CDH1: variants seen among roughly 807,000 people sequenced by gnomAD.
CDH1 encodes cadherin 1.
A neutral mutation model predicts 84.5 loss-of-function variants in CDH1; 35 were observed. That is an observed-to-expected ratio of 0.41 (90% CI 0.32 to 0.55). The LOEUF (loss-of-function observed/expected upper bound fraction) is 0.55, where lower values mean the gene tolerates loss of function less well. Ranked by LOEUF, CDH1 falls within the 20% of genes least tolerant of loss-of-function variation. The pLI, the probability that CDH1 is intolerant of heterozygous loss-of-function variation, is 0.19. For missense variants in CDH1, 994 were observed against 1,126.6 expected (o/e 0.88, Z 1.68); for synonymous variants, 417 against 439.0 (o/e 0.95, Z 0.63).
intron 2 of CDH1, among the ~76,000 whole-genome samples, chr16:68,764,035 C>A (rs541823987): frequency 6.6e-6 from 1 of 152,268 alleles, no homozygotes; most frequent in Admixed American, 6.5e-5. Context: ...GGGGCTTTCC[C>A]TCCCAGAGGT....
chr16:68,765,612 T>C (rs926819761), intron 2 of CDH1: 2 of 152,098 alleles, frequency 1.3e-5, no homozygotes, highest in African/African-American at 4.8e-5. Context: ...ATCCCAAAAT[T>C]GTAGGGGCAA....
chr16:68,788,118 C>T (rs868002445), intron 2 of CDH1, among the ~76,000 whole-genome samples: 3 of 152,126 alleles, frequency 2.0e-5, no homozygotes, highest in South Asian at 2.1e-4. Context: ...TGAGCCACCG[C>T]ACCCAGCCTA....
chr16:68,740,637 G>A (rs1962540233), intron 2 of CDH1, among the ~76,000 whole-genome samples: 1 of 152,068 alleles, frequency 6.6e-6, no homozygotes, highest in Non-Finnish European at 1.5e-5. Flanking sequence ...CACCAAGGGT[G>A]GGTTGGTCTG....
rs1245027389 is a variant in CDH1 at position 68,815,474 on chromosome 16, T to C, written c.1321-41T>C. 3.7e-6 allele frequency: 6 copies of C among 1,613,060 alleles called. No individual in the cohort carries two copies. The highest frequency in any genetic ancestry group is 1.7e-5 in the Admixed American group (1 of 59,984). ...TAATTTTATTTTTACTAACACAAAA[T>C]GTTTCGTTTTGTTTTTAACTTCATT... On this transcript the variant is annotated intron_variant, in intron 9 of 15. Transcript: ENST00000261769.
intron 3 of CDH1, among the ~76,000 whole-genome samples, chr16:68,806,647 GAATTATATGA>G (rs1960669383): frequency 1.3e-5 from 2 of 152,136 alleles, no homozygotes; most frequent in African/African-American, 4.8e-5. Flanking sequence ...ATCCTTCCAA[GAATTATATGA>G]GATAGGTTCT....
chr16:68,816,901 T>C (rs1443216409), intron 10 of CDH1, among the ~76,000 whole-genome samples: 1 of 152,142 alleles, frequency 6.6e-6, no homozygotes, highest in Admixed American at 6.6e-5. Flanking sequence ...AAGACAATAA[T>C]GTAGGATTAG....
intron 2 of CDH1, among the ~76,000 whole-genome samples, chr16:68,761,438 C>T (rs1413322441): frequency 1.3e-5 from 2 of 152,206 alleles, no homozygotes; most frequent in African/African-American, 2.4e-5. Flanking sequence ...ATCCTCCATT[C>T]GTTTGTTCAG....
chr16:68,760,266 A>ATTTT (rs11396600), intron 2 of CDH1, among the ~76,000 whole-genome samples: 20 of 97,956 alleles, frequency 2.0e-4, no homozygotes, highest in East Asian at 6.1e-4. Flanking sequence ...CGCCCAGCTA[A>ATTTT]TTTTTTTTTT....
At chr16:68,752,034 C>T (rs1962896748) in intron 2 of CDH1, among the ~76,000 whole-genome samples, 2 of 151,310 alleles carry the variant, frequency 1.3e-5, no homozygotes, top group South Asian at 4.2e-4. Context: ...TCACTGCAAC[C>T]TCCGCCTCCC....
intron 2 of CDH1, among the ~76,000 whole-genome samples, chr16:68,751,995 A>C (rs1962894711): frequency 6.9e-6 from 1 of 145,020 alleles, no homozygotes; most frequent in Admixed American, 7.1e-5. Context: ...TCTGTCACCC[A>C]GGCTGGAGTG....
chr16:68,795,680 G>C (rs548340759), intron 2 of CDH1, among the ~76,000 whole-genome samples: 1 of 151,864 alleles, frequency 6.6e-6, no homozygotes, highest in South Asian at 2.1e-4. Context: ...ATTTTCAGTA[G>C]AGACGGGGTT....
chr16:68,828,709 A>C (rs1961397523), intron 14 of CDH1, among the ~76,000 whole-genome samples: 1 of 152,200 alleles, frequency 6.6e-6, no homozygotes, highest in Non-Finnish European at 1.5e-5. Flanking sequence ...GTTTTTAGCT[A>C]GACCAAACTC....
In CDH1 at chr16:68,834,223, G is replaced by A. The variant is rs1428612145; in HGVS notation, c.*724G>A. 9.9e-6 allele frequency: 5 copies of A among 503,332 alleles called. No individual in the cohort carries two copies. The highest frequency in any genetic ancestry group is 9.1e-5 in the Admixed American group (4 of 43,792). 31.2% of individuals were successfully genotyped at this position (503,332 alleles called of 1,614,324 possible). On this transcript the variant is annotated 3_prime_UTR_variant, in exon 16 of 16. Coordinates refer to ENST00000261769, the MANE Select transcript of CDH1 (RefSeq NM_004360.5). Reference sequence around the variant, plus strand: ...CCCATCTTGGCCTCCCAGAGTATTGGGATTACAGACATGAGCCACTGCACC... The same window carrying A: ...CCCATCTTGGCCTCCCAGAGTATTGAGATTACAGACATGAGCCACTGCACC...
Position 68,737,365 on chromosome 16 carries a change from C to G in CDH1, c.-51C>G, listed in dbSNP as rs1303301430. On this transcript the variant is annotated 5_prime_UTR_variant, in exon 1 of 16. Coordinates refer to ENST00000261769, the MANE Select transcript of CDH1 (RefSeq NM_004360.5). ...AGACTCCAGCCCGCTCCAGCCCGGC[C>G]CGACCCGACCGCACCCGGCGCCTGC... The G allele has an allele frequency of 6.0e-6, 9 of 1,497,466 alleles. No homozygotes were observed. Among genetic ancestry groups the G allele is most frequent in the Non-Finnish European group, 8.1e-6 (9 of 1,117,786 alleles). The allele number at this position is 1,497,466 out of a possible 1,614,324, so 92.8% of individuals were successfully genotyped here.
At chr16:68,824,071 C>T (rs991526441) in intron 13 of CDH1, among the ~76,000 whole-genome samples, 2 of 144,342 alleles carry the variant, frequency 1.4e-5, no homozygotes, top group African/African-American at 5.3e-5. Flanking sequence ...GATCTCAGCT[C>T]ACTGCACCCT....
intron 2 of CDH1, among the ~76,000 whole-genome samples, chr16:68,756,849 A>G (rs532228226): frequency 1.5e-4 from 23 of 152,126 alleles, no homozygotes; most frequent in Non-Finnish European, 2.5e-4. Context: ...ACATACAAAA[A>G]CAATTACCCA....
In CDH1 at chr16:68,765,773, A is replaced by T. The variant is rs576021919; in HGVS notation, c.163+27362A>T. Among the ~76,000 whole-genome samples, 127 of 151,174 alleles carry T rather than the reference A, an allele frequency of 8.4e-4. 1 individual carries two copies. The highest frequency in any genetic ancestry group is 3.0e-3 in the African/African-American group (124 of 41,152). On this transcript the variant is annotated intron_variant, in intron 2 of 15. Transcript: ENST00000261769. ...TTTTTAAAAGATTTGTTTTCCTCTC[A>T]TGGGAAATTTCCCTGTCACAGTTGG...
rs13339481 is a variant in CDH1, at chr16:68,835,334, T to C, written c.*1835T>C. ...AAAAATCAACCCTGCAATCACTTTTTGGAATTGTCTTGATTTTTCGGCAGT... is the reference window on the plus strand; with the variant it reads ...AAAAATCAACCCTGCAATCACTTTTCGGAATTGTCTTGATTTTTCGGCAGT... On this transcript the variant is annotated 3_prime_UTR_variant, in exon 16 of 16. Transcript: ENST00000261769. 1,120 of 224,344 alleles carry C rather than the reference T, an allele frequency of 5.0e-3. 16 individuals carry two copies. The highest frequency in any genetic ancestry group is 0.023 in the African/African-American group (1,048 of 44,906). The allele number at this position is 224,344 out of a possible 1,614,324, so 13.9% of individuals were successfully genotyped here. A position where few individuals can be genotyped will look rare whatever the true frequency, so the allele number is the denominator to read the frequency against.
intron 10 of CDH1, among the ~76,000 whole-genome samples, chr16:68,817,770 T>C (rs965711100): frequency 6.6e-6 from 1 of 152,068 alleles, no homozygotes; most frequent in African/African-American, 2.4e-5. Flanking sequence ...ATTTCAAAAA[T>C]GTCAGTGACA....
Sources: allele counts gnomAD v4.1 joint callset (sites outside exome capture counted in the v4.1 genomes callset), GRCh38; gene constraint gnomAD v4.1.1; transcripts MANE v1.5; gene names NCBI Gene and HGNC (gene_info 2026-07-23, HGNC 2026-07-21).